Variants in EIF3B observed in about 807,000 individuals in gnomAD.
EIF3B encodes the protein eukaryotic translation initiation factor 3 subunit B.
In EIF3B, 10 loss-of-function variants were observed where a neutral mutation model predicts 104.6. The ratio of observed to expected loss-of-function variants is 0.10; its 90% confidence interval spans 0.06 to 0.16. The LOEUF (loss-of-function observed/expected upper bound fraction) is 0.16. EIF3B is among the 10% of genes least tolerant of loss of function. The probability of loss-of-function intolerance (pLI) is 1.00; values close to 1 mark genes in which losing one functional copy is unlikely to be tolerated. For missense variants in EIF3B, 1,014 were observed against 1,087.9 expected (o/e 0.93, Z 0.96); for synonymous variants, 542 against 417.2 (o/e 1.30, Z -3.65).
chr7:2,377,546 GCACGAGCGC>G (rs1780708187), intron 15 of EIF3B, among the ~76,000 whole-genome samples: 1 of 126,262 alleles, frequency 7.9e-6, no homozygotes, highest in Non-Finnish European at 1.6e-5. Flanking sequence ...GAAGGAGCAG[GCACGAGCGC>G]TCCTGGGATG....
chr7:2,360,170 A>C (rs1779654155), intron 1 of EIF3B, among the ~76,000 whole-genome samples: 2 of 152,138 alleles, frequency 1.3e-5, no homozygotes, highest in Non-Finnish European at 2.9e-5. Context: ...ATCCCAGTTC[A>C]CTCGAGAGAG....
In EIF3B at chr7:2,375,303, G is replaced by A. The variant is rs1254838241; in HGVS notation, c.1890-86G>A. The A allele has an allele frequency of 3.8e-6, 6 of 1,574,606 alleles. No individual in the cohort carries two copies. In the Admixed American group the frequency reaches 6.8e-5, roughly 18 times the overall value. ...TTAACGCCGAGGCTGGCTCCCTGGG[G>A]ACCCCATGCCGCAGCACCTCTCAGG... On this transcript the variant is annotated intron_variant, in intron 13 of 18. Transcript: ENST00000360876.
chr7:2,368,203 C>T (rs952620659), intron 9 of EIF3B, among the ~76,000 whole-genome samples: 15 of 152,084 alleles, frequency 9.9e-5, no homozygotes, highest in African/African-American at 3.4e-4. Flanking sequence ...AGTACAGTGG[C>T]GTGATCTCGG....
intron 2 of EIF3B, 72 bp from the exon 3 acceptor site, chr7:2,362,573 G>A: frequency 6.3e-7 from 1 of 1,585,078 alleles, no homozygotes; most frequent in Non-Finnish European, 8.6e-7. Context: ...CCGTGGAGAG[G>A]GGTGGGGCGG....
intron 10 of EIF3B, among the ~76,000 whole-genome samples, chr7:2,371,042 A>C (rs7804900): frequency 4.6e-5 from 7 of 151,984 alleles, no homozygotes; most frequent in African/African-American, 1.7e-4. Flanking sequence ...CAGCCTGGGC[A>C]ACAGAGTGAG....
intron 1 of EIF3B, among the ~76,000 whole-genome samples, chr7:2,356,262 G>C (rs747282325): frequency 6.6e-6 from 1 of 152,124 alleles, no homozygotes; most frequent in Non-Finnish European, 1.5e-5. Context: ...CGATACACCA[G>C]GACAATTTCG....
In EIF3B at chr7:2,354,936, G is replaced by C; in HGVS notation, c.15G>C (p.Glu5Asp). 2 of 1,229,636 alleles carry C rather than the reference G, an allele frequency of 1.6e-6. No individual in the cohort carries two copies. The highest frequency in any genetic ancestry group is 2.0e-6 in the Non-Finnish European group (2 of 978,244). The allele number at this position is 1,229,636 out of a possible 1,614,324, so 76.2% of individuals were successfully genotyped here. Reference sequence around the variant, plus strand: ...GCGTTGGGCCCATGCAGGACGCGGAGAACGTGGCGGTGCCCGAGGCGGCCG... The same window carrying C: ...GCGTTGGGCCCATGCAGGACGCGGACAACGTGGCGGTGCCCGAGGCGGCCG... Reference protein sequence around the residue: MQDAENVAVPEAAEE... With the variant: MQDADNVAVPEAAEE... Residue 5 changes from glutamate (E) to aspartate (D), a missense_variant, in exon 1 of 19, where the codon GAG becomes GAC. Transcript: ENST00000360876.
rs1474166705 is a variant in EIF3B, at chr7:2,355,231, C to T, written c.310C>T (p.Gln104Ter). 1 of 1,503,098 alleles carries T rather than the reference C, an allele frequency of 6.7e-7. No homozygotes were observed. Among genetic ancestry groups the T allele is most frequent in the Non-Finnish European group, 8.8e-7 (1 of 1,134,268 alleles). The allele number at this position is 1,503,098 out of a possible 1,614,324, so 93.1% of individuals were successfully genotyped here. ...GSHAEPPVPAQGEAPGEQARD... is the reference protein window; with the variant it reads ...GSHAEPPVPA ...GCATGCTGAGCCCCCTGTCCCGGCACAGGGCGAGGCCCCAGGAGAGCAGGC... is the reference window on the plus strand; with the variant it reads ...GCATGCTGAGCCCCCTGTCCCGGCATAGGGCGAGGCCCCAGGAGAGCAGGC... The change falls in exon 1 of 19, where the codon CAG becomes TAG. Residue 104 changes from glutamine (Q) to a stop codon, truncating the protein, a stop_gained. Transcript: ENST00000360876. LOFTEE classifies it high-confidence loss of function.
At chr7:2,375,174 T>G (rs768197767) in intron 13 of EIF3B, 3 of 542,110 alleles carry the variant, frequency 5.5e-6, no homozygotes, top group Non-Finnish European at 6.6e-6. Flanking sequence ...CCAGTAAAAA[T>G]AATATGATGG....
intron 13 of EIF3B, 75 bp downstream of exon 13, chr7:2,374,681 C>T (rs1780540795): frequency 3.0e-6 from 4 of 1,355,602 alleles, no homozygotes; most frequent in African/African-American, 2.9e-5. Context: ...CAGGCGCCTG[C>T]ACCCGGCTTC....
At chr7:2,355,915 TC>T (rs1336891633) in intron 1 of EIF3B, among the ~76,000 whole-genome samples, 2 of 152,244 alleles carry the variant, frequency 1.3e-5, no homozygotes, top group Non-Finnish European at 2.9e-5. Context: ...TCCAGAGACT[TC>T]CTTAGTGGGA....
intron 18 of EIF3B, chr7:2,379,805 A>G (rs538548538): frequency 4.9e-6 from 2 of 406,036 alleles, no homozygotes; most frequent in South Asian, 4.7e-5. Context: ...ATGCCTGGCC[A>G]TTTCCTGATA....
At chr7:2,359,678 C>G (rs1436170396) in intron 1 of EIF3B, among the ~76,000 whole-genome samples, 2 of 152,240 alleles carry the variant, frequency 1.3e-5, no homozygotes, top group African/African-American at 2.4e-5. Flanking sequence ...GCCTGTCGGT[C>G]AGAACCGGAG....
At chr7:2,362,835 G>C (rs1562479054) in intron 3 of EIF3B, 71 bp downstream of exon 3, 1 of 1,591,746 alleles carries the variant, frequency 6.3e-7, no homozygotes, top group Non-Finnish European at 8.6e-7. Flanking sequence ...GGGTGGCTTG[G>C]TGCTTCTCGG....
intron 1 of EIF3B, among the ~76,000 whole-genome samples, chr7:2,357,528 C>A (rs1027297609): frequency 8.5e-5 from 13 of 152,210 alleles, no homozygotes; most frequent in African/African-American, 3.1e-4. Flanking sequence ...TGCTTTATTA[C>A]TTTTTTGGTA....
chr7:2,355,829 C>G (rs1562472683), intron 1 of EIF3B, among the ~76,000 whole-genome samples: 1 of 152,142 alleles, frequency 6.6e-6, no homozygotes, highest in Non-Finnish European at 1.5e-5. Flanking sequence ...AGTCAGACCT[C>G]CCAAGGTCTG....
intron 14 of EIF3B, chr7:2,376,568 C>T (rs12669470): frequency 0.43 from 76,309 of 176,224 alleles, 18,815 homozygotes; most frequent in East Asian, 0.74. Flanking sequence ...GCCCAGGGCT[C>T]AGCAGTGAGT....
At position 2,378,550 on chromosome 7, in the gene EIF3B, A is replaced by G. The variant is rs7778461; in HGVS notation, c.2155-139A>G. On this transcript the variant is annotated intron_variant, in intron 15 of 18. Coordinates refer to ENST00000360876, the MANE Select transcript of EIF3B (RefSeq NM_001037283.2). ...GTGAATGACCCTGGGTGTCATGGAG[A>G]AAGGAGCATGCGAGCGCTCCTGGGA... 2.8e-3 allele frequency: 1,791 copies of G among 628,904 alleles called. 28 individuals are homozygous for G. In the African/African-American group the frequency reaches 0.032, roughly 11 times the overall value. 39.0% of individuals were successfully genotyped at this position (628,904 alleles called of 1,614,324 possible). A position where few individuals can be genotyped will look rare whatever the true frequency, so the allele number is the denominator to read the frequency against.
upstream of EIF3B, among the ~76,000 whole-genome samples, chr7:2,354,470 G>T (rs894627142): frequency 6.6e-6 from 1 of 152,160 alleles, no homozygotes; most frequent in Admixed American, 6.5e-5. Context: ...TTGAGTTAGA[G>T]GACATTTTCC....
Sources: gnomAD v4.1 joint callset for allele counts (sites outside exome capture counted in the v4.1 genomes callset) on GRCh38, gnomAD v4.1.1 for gene constraint, MANE v1.5 for transcripts, NCBI Gene and HGNC (gene_info 2026-07-23, HGNC 2026-07-21) for gene names.